FRMD6: variants seen among roughly 807,000 people sequenced by gnomAD.
The protein encoded by FRMD6 is FERM domain containing 6, also known as FERM domain-containing protein 6.
Under a neutral mutation model 73.2 loss-of-function variants are expected in FRMD6, and 37 were observed. The ratio of observed to expected loss-of-function variants is 0.51; its 90% CI spans 0.39 to 0.66. The LOEUF is 0.66. Among genes scored for constraint, FRMD6 ranks in the 30% least tolerant of loss-of-function variants. The probability of loss-of-function intolerance (pLI) is 0.00; values close to 1 mark genes in which losing one functional copy is unlikely to be tolerated. For synonymous variants in FRMD6, 273 were observed against 282.2 expected (o/e 0.97, Z 0.33); for missense variants, 714 against 780.5 (o/e 0.91, Z 1.02).
chr14:51,644,374 C>A (rs994037143), intron 2 of FRMD6, among the ~76,000 whole-genome samples: 1 of 135,522 alleles, frequency 7.4e-6, no homozygotes, highest in African/African-American at 2.7e-5. Flanking sequence ...CACACACACA[C>A]ACACACACAC....
intron 1 of FRMD6, among the ~76,000 whole-genome samples, chr14:51,489,897 C>T (rs1052586761): frequency 6.6e-6 from 1 of 152,176 alleles, no homozygotes; most frequent in Non-Finnish European, 1.5e-5. Context: ...AAGACACCAT[C>T]ATAAGTTTTT....
intron 1 of FRMD6, among the ~76,000 whole-genome samples, chr14:51,522,173 C>T (rs7146078): frequency 0.08 from 12,231 of 152,112 alleles, 602 homozygotes; most frequent in East Asian, 0.24. Flanking sequence ...TTAAACATAC[C>T]TCATACTGAT....
chr14:51,716,117 C>T (rs1897228631), intron 10 of FRMD6, among the ~76,000 whole-genome samples: 1 of 152,034 alleles, frequency 6.6e-6, no homozygotes, highest in African/African-American at 2.4e-5. Context: ...AGTACTGGAC[C>T]CTGAAACGGG....
At chr14:51,441,458 G>A in the FRMD6 span, among the ~76,000 whole-genome samples, 14 of 152,340 alleles carry the variant, frequency 9.2e-5, no homozygotes, top group South Asian at 2.9e-3. Flanking sequence ...GAGAGTTGTG[G>A]CTGTATCCTA....
At chr14:51,668,225 A>G (rs1160581673) in intron 1 of FRMD6, among the ~76,000 whole-genome samples, 1 of 152,234 alleles carries the variant, frequency 6.6e-6, no homozygotes, top group Admixed American at 6.5e-5. Flanking sequence ...GGAAAGGGAT[A>G]TGAAAGTAAA....
chr14:51,515,715 T>A (rs1331140974), intron 1 of FRMD6, among the ~76,000 whole-genome samples: 1 of 152,228 alleles, frequency 6.6e-6, no homozygotes, highest in African/African-American at 2.4e-5. Flanking sequence ...GGAGACAGGA[T>A]AACAGAGCTG....
chr14:51,474,833 C>T, the FRMD6 span, among the ~76,000 whole-genome samples: 2 of 152,194 alleles, frequency 1.3e-5, no homozygotes, highest in African/African-American at 4.8e-5. Flanking sequence ...TCATTTTGCC[C>T]TATCAAACAG....
intron 1 of FRMD6, among the ~76,000 whole-genome samples, chr14:51,556,287 A>G (rs1017109213): frequency 2.8e-4 from 43 of 152,240 alleles, no homozygotes; most frequent in Non-Finnish European, 5.6e-4. Context: ...CTGTATTTTA[A>G]TGTACTATAA....
chr14:51,533,490 T>C lies in FRMD6; in HGVS notation c.-209-36858T>C, dbSNP rs149890982. Among the ~76,000 whole-genome samples the C allele has an allele frequency of 7.2e-5, 11 of 152,310 alleles. No homozygotes were observed. The East Asian group carries it at 1.9e-3, about 27-fold the overall frequency. ...CACTGGTGTTTTTACAGGAGTCTAATGCATAGAGATTACGGCTGACTCTCC... is the reference window on the plus strand; with the variant it reads ...CACTGGTGTTTTTACAGGAGTCTAACGCATAGAGATTACGGCTGACTCTCC... On this transcript the variant is annotated intron_variant, in intron 1 of 14. Transcript: ENST00000356218.
rs747500825 is a variant in FRMD6 at position 51,721,940 on chromosome 14, C to G, written c.1361-9C>G. ...TGTCATTAACTATCTTTTCCTTCTTCTGTGTCAGAAATAGAGATGTTGGTT... is the reference window on the plus strand; with the variant it reads ...TGTCATTAACTATCTTTTCCTTCTTGTGTGTCAGAAATAGAGATGTTGGTT... On this transcript the variant is annotated splice_polypyrimidine_tract_variant and intron_variant, in intron 11 of 13. Coordinates refer to ENST00000344768, the MANE Select transcript of FRMD6 (RefSeq NM_001267046.2). The G allele has an allele frequency of 6.2e-7, 1 of 1,613,474 alleles. No individual in the cohort carries two copies. The highest frequency in any genetic ancestry group is 1.3e-5 in the African/African-American group (1 of 74,876).
At chr14:51,634,353 C>T (rs1035280847) in intron 2 of FRMD6, among the ~76,000 whole-genome samples, 1 of 152,150 alleles carries the variant, frequency 6.6e-6, no homozygotes, top group Non-Finnish European at 1.5e-5. Flanking sequence ...TGACTTGTAC[C>T]TAGCACAGTG....
At chr14:51,488,513 A>C (rs567760784), upstream of FRMD6, among the ~76,000 whole-genome samples, 1 of 152,322 alleles carries the variant, frequency 6.6e-6, no homozygotes, top group East Asian at 1.9e-4. Context: ...CTATTTCTAC[A>C]TCCTCTCTAC....
chr14:51,448,474 A>G, the FRMD6 span, among the ~76,000 whole-genome samples: 4 of 152,234 alleles, frequency 2.6e-5, no homozygotes, highest in Non-Finnish European at 5.9e-5. Flanking sequence ...ACAGCCGGTG[A>G]TAAATAGTGT....
intron 1 of FRMD6, among the ~76,000 whole-genome samples, chr14:51,519,968 T>C (rs1950917): frequency 0.41 from 61,760 of 152,068 alleles, 12,885 homozygotes; most frequent in African/African-American, 0.5. Flanking sequence ...GATGTACCCA[T>C]TGTGCCCTAA....
chr14:51,437,704 G>A, the FRMD6 span, among the ~76,000 whole-genome samples: 1 of 152,034 alleles, frequency 6.6e-6, no homozygotes, highest in South Asian at 2.1e-4. Flanking sequence ...CTGTTCTTGA[G>A]ATCTCTTTTC....
At chr14:51,614,604 C>T (rs1032038831) in intron 2 of FRMD6, among the ~76,000 whole-genome samples, 1 of 152,200 alleles carries the variant, frequency 6.6e-6, no homozygotes, top group Admixed American at 6.5e-5. Flanking sequence ...GTTATATACA[C>T]ATTTCAGAGA....
intron 1 of FRMD6, among the ~76,000 whole-genome samples, chr14:51,508,003 T>C (rs963252007): frequency 1.3e-5 from 2 of 152,146 alleles, no homozygotes; most frequent in African/African-American, 4.8e-5. Context: ...GGGAGCCCCC[T>C]CATCCTTTGC....
At chr14:51,520,096 G>A (rs1884862656) in intron 1 of FRMD6, among the ~76,000 whole-genome samples, 1 of 152,120 alleles carries the variant, frequency 6.6e-6, no homozygotes, top group African/African-American at 2.4e-5. Context: ...TTTGTGCCAG[G>A]TGTATATAAA....
intron 1 of FRMD6, among the ~76,000 whole-genome samples, chr14:51,673,715 G>T (rs191482448): frequency 3.0e-4 from 46 of 152,206 alleles, no homozygotes; most frequent in Non-Finnish European, 8.8e-5. Context: ...TGAAAAATGT[G>T]GAGGGGAAAA....
Sources: gnomAD v4.1 joint callset for allele counts (sites outside exome capture counted in the v4.1 genomes callset) on GRCh38, gnomAD v4.1.1 for gene constraint, MANE v1.5 for transcripts, NCBI Gene and HGNC (gene_info 2026-07-23, HGNC 2026-07-21) for gene names.